Variants in ARMC2 observed in about 807,000 individuals in gnomAD.
ARMC2 encodes the protein armadillo repeat-containing protein 2.
Under a neutral mutation model 90.3 loss-of-function variants are expected in ARMC2, and 67 were observed. The ratio of observed to expected loss-of-function variants is 0.74; its 90% CI spans 0.61 to 0.91. ARMC2 has a LOEUF of 0.91. ARMC2 is among the 40% of genes least tolerant of loss of function. The pLI is 0.00. For missense variants in ARMC2, 920 were observed against 1,030.9 expected, an observed-to-expected ratio of 0.89 and a Z score of 1.47; for synonymous variants, 393 against 393.0, an observed-to-expected ratio of 1.00 and a Z score of 0.00.
At chr6:108,976,844 A>C (rs1778992188), downstream of ARMC2, among the ~76,000 whole-genome samples, 1 of 152,182 alleles carries the variant, frequency 6.6e-6, no homozygotes, top group African/African-American at 2.4e-5. Context: ...ATTTTTGCAC[A>C]TTGATTTTGT....
At chr6:108,894,760 CTTTTTTTTTTTTT>C (rs1046472191) in intron 6 of ARMC2, among the ~76,000 whole-genome samples, 31 of 103,380 alleles carry the variant, frequency 3.0e-4, no homozygotes, top group East Asian at 1.2e-3. Context: ...AGATGACAGT[CTTTTTTTTTTTTT>C]TTTTTTTTTT....
intron 8 of ARMC2, among the ~76,000 whole-genome samples, chr6:108,910,084 A>C (rs557401417): frequency 4.6e-5 from 7 of 152,200 alleles, no homozygotes; most frequent in African/African-American, 1.7e-4. Flanking sequence ...GTTTTAATGC[A>C]ATTACTCTAA....
intron 11 of ARMC2, among the ~76,000 whole-genome samples, chr6:108,933,801 T>A (rs1041634745): frequency 6.6e-6 from 1 of 152,146 alleles, no homozygotes; most frequent in Non-Finnish European, 1.5e-5. Context: ...TGGCTGTGGG[T>A]TTGTCATAGA....
intron 6 of ARMC2, among the ~76,000 whole-genome samples, chr6:108,898,706 G>A (rs1310354919): frequency 1.3e-5 from 2 of 152,214 alleles, no homozygotes; most frequent in African/African-American, 4.8e-5. Context: ...AGGCTGGGGA[G>A]TTATATGACC....
chr6:108,943,824 C>T (rs900061269), intron 12 of ARMC2, among the ~76,000 whole-genome samples: 1 of 152,082 alleles, frequency 6.6e-6, no homozygotes, highest in East Asian at 1.9e-4. Context: ...CACAGTGAAA[C>T]CCTGTCTCAA....
intron 10 of ARMC2, among the ~76,000 whole-genome samples, chr6:108,915,072 C>A (rs1412977948): frequency 5.3e-5 from 8 of 152,058 alleles, no homozygotes; most frequent in Non-Finnish European, 1.0e-4. Flanking sequence ...CCTGCCTCAG[C>A]CTCCTGAGTA....
At chr6:108,865,498 A>G (rs1775723307) in intron 3 of ARMC2, among the ~76,000 whole-genome samples, 1 of 152,226 alleles carries the variant, frequency 6.6e-6, no homozygotes, top group South Asian at 2.1e-4. Context: ...GTCACTTTAT[A>G]TTCTAAGTAG....
At chr6:108,863,876 T>C (rs1248408916) in intron 3 of ARMC2, among the ~76,000 whole-genome samples, 2 of 152,220 alleles carry the variant, frequency 1.3e-5, no homozygotes, top group East Asian at 1.9e-4. Context: ...TCCGCCACCA[T>C]GGCCCCTCTC....
At chr6:108,971,808 C>A (rs1246753179) in intron 17 of ARMC2, among the ~76,000 whole-genome samples, 1 of 151,754 alleles carries the variant, frequency 6.6e-6, no homozygotes, top group Non-Finnish European at 1.5e-5. Context: ...GTAATCCCAG[C>A]TGCTCAGGAG....
Position 108,886,585 on chromosome 6 carries a change from A to G in ARMC2, c.672-7882A>G, listed in dbSNP as rs188902109. On this transcript the variant is annotated intron_variant, in intron 5 of 17. Coordinates refer to ENST00000392644, the MANE Select transcript of ARMC2 (RefSeq NM_032131.6). ...TACTCGTCTCACAAACAAACAAACA[A>G]ACAATATAACTACAGCCCAGGAGCC... 5.5e-3 allele frequency among the ~76,000 whole-genome samples: 844 copies of G among 152,318 alleles called. 9 individuals are homozygous for G. Among genetic ancestry groups the G allele is most frequent in the African/African-American group, 0.019 (800 of 41,560 alleles).
Position 108,883,272 on chromosome 6 carries a change from A to T in ARMC2, c.671+6922A>T, listed in dbSNP as rs75897622. On this transcript the variant is annotated intron_variant, in intron 5 of 17. Coordinates refer to ENST00000392644, the MANE Select transcript of ARMC2 (RefSeq NM_032131.6). ...AGTTGTACAGAAGCAACAGATAGACACTTTCAATATGAATGAACTGAGGGA... is the reference window on the plus strand; with the variant it reads ...AGTTGTACAGAAGCAACAGATAGACTCTTTCAATATGAATGAACTGAGGGA... Among the ~76,000 whole-genome samples the T allele has an allele frequency of 4.2e-3, 639 of 152,366 alleles. 3 individuals are homozygous for T. The highest frequency in any genetic ancestry group is 0.014 in the African/African-American group (599 of 41,586).
chr6:108,902,714 A>C (rs529067488), intron 7 of ARMC2, among the ~76,000 whole-genome samples: 1 of 152,246 alleles, frequency 6.6e-6, no homozygotes, highest in South Asian at 2.1e-4. Context: ...CACTTCCTCT[A>C]TGTGGGCTTC....
the ARMC2 span, among the ~76,000 whole-genome samples, chr6:109,011,825 C>T: frequency 2.0e-5 from 3 of 151,850 alleles, no homozygotes; most frequent in African/African-American, 4.8e-5. Context: ...GATAGGGTCT[C>T]ATTATGTTGT....
At chr6:109,044,510 A>G in the ARMC2 span, among the ~76,000 whole-genome samples, 2 of 151,962 alleles carry the variant, frequency 1.3e-5, no homozygotes, top group Non-Finnish European at 2.9e-5. Flanking sequence ...AATGGATCAC[A>G]GACCTAAATT....
the ARMC2 span, among the ~76,000 whole-genome samples, chr6:109,004,759 C>CACAG: frequency 0.13 from 19,836 of 152,074 alleles, 1,400 homozygotes; most frequent in Middle Eastern, 0.2. Context: ...GAGCAAACAA[C>CACAG]ACAGTTCAAG....
intron 15 of ARMC2, 50 bp from the exon 16 acceptor site, chr6:108,964,130 C>A: frequency 6.3e-7 from 1 of 1,582,896 alleles, no homozygotes. Context: ...CAAGAGACAG[C>A]TGGGAATCCT....
chr6:108,896,029 A>T (rs1428094432), intron 6 of ARMC2, among the ~76,000 whole-genome samples: 5 of 152,242 alleles, frequency 3.3e-5, no homozygotes, highest in Admixed American at 6.5e-5. Context: ...AGTAGATTTT[A>T]AAAATTCTTA....
chr6:109,004,645 T>C, the ARMC2 span, among the ~76,000 whole-genome samples: 4 of 152,168 alleles, frequency 2.6e-5, no homozygotes, highest in African/African-American at 9.7e-5. Flanking sequence ...TTAGCCAGGA[T>C]GGTCTCAATC....
At position 108,949,954 on chromosome 6, in the gene ARMC2, C is replaced by T. The variant is rs147719668; in HGVS notation, c.1597-3079C>T. Reference sequence around the variant, plus strand: ...GGCACAGTGGCTCACGCCTGTAATTCCAGCACTTTGAGAGGCCGAGGTGGG... The same window carrying T: ...GGCACAGTGGCTCACGCCTGTAATTTCAGCACTTTGAGAGGCCGAGGTGGG... On this transcript the variant is annotated intron_variant, in intron 12 of 17. Transcript: ENST00000392644. Among the ~76,000 whole-genome samples the T allele has an allele frequency of 7.3e-3, 1,107 of 152,290 alleles. 14 individuals carry two copies. Among genetic ancestry groups the T allele is most frequent in the African/African-American group, 0.026 (1,083 of 41,550 alleles).
Sources: gnomAD v4.1 joint callset for allele counts (sites outside exome capture counted in the v4.1 genomes callset) on GRCh38, gnomAD v4.1.1 for gene constraint, MANE v1.5 for transcripts, NCBI Gene and HGNC (gene_info 2026-07-23, HGNC 2026-07-21) for gene names.